Variants in MAPK8IP3 observed in about 807,000 individuals in gnomAD.
MAPK8IP3 encodes the protein C-Jun-amino-terminal kinase-interacting protein 3.
A neutral mutation model predicts 157.8 loss-of-function variants in MAPK8IP3; 49 were observed. The ratio of observed to expected loss-of-function variants is 0.31; its 90% confidence interval spans 0.25 to 0.39. The LOEUF is 0.39. Among genes scored for constraint, MAPK8IP3 ranks in the 10% least tolerant of loss-of-function variants. The pLI is 1.00. For missense variants in MAPK8IP3, 1,478 were observed against 1,889.4 expected, an observed-to-expected ratio of 0.78 and a Z score of 4.04; for synonymous variants, 897 against 777.7, an observed-to-expected ratio of 1.15 and a Z score of -2.55.
chr16:1,764,600 G>A, intron 19 of MAPK8IP3, 141 bp downstream of exon 19: 3 of 1,192,554 alleles, frequency 2.5e-6, no homozygotes, highest in Non-Finnish European at 3.4e-6. Flanking sequence ...CTAGACTGCG[G>A]GAAGCAGTGT....
At position 1,706,331 on chromosome 16, in the gene MAPK8IP3, G is replaced by T. The variant is rs761776550; in HGVS notation, c.-9G>T. 1.9e-6 allele frequency: 3 copies of T among 1,548,378 alleles called. No homozygotes were observed. The East Asian group carries it at 7.3e-5, about 38-fold the overall frequency. On this transcript the variant is annotated 5_prime_UTR_variant, in exon 1 of 32. Coordinates refer to ENST00000610761, the MANE Select transcript of MAPK8IP3 (RefSeq NM_001318852.2). The surrounding 1 kb of genome is among the most constrained non-coding windows in gnomAD (Gnocchi z 5.1). ...ATAGCGAGCCGCGCTGGCGGCGGCG[G>T]TGGCCGCGATGATGGAGATCCAGAT...
At chr16:1,739,911 CGTCCGTGTGAGCTTCCGTGTGACT>C (rs2040533972) in intron 4 of MAPK8IP3, among the ~76,000 whole-genome samples, 2 of 106,698 alleles carry the variant, frequency 1.9e-5, no homozygotes, top group African/African-American at 7.5e-5. Flanking sequence ...TCCCTGTGAC[CGTCCGTGTGAGCTTCCGTGTGACT>C]GTCCGTGTGA....
chr16:1,735,780 AGT>A (rs1331961796), intron 4 of MAPK8IP3, among the ~76,000 whole-genome samples: 2 of 93,816 alleles, frequency 2.1e-5, no homozygotes, highest in African/African-American at 4.2e-5. Context: ...TCCATGTGAG[AGT>A]GTGACCGTCC....
intron 6 of MAPK8IP3, among the ~76,000 whole-genome samples, chr16:1,747,698 G>A (rs888180959): frequency 3.3e-5 from 5 of 152,072 alleles, no homozygotes; most frequent in South Asian, 4.1e-4. Context: ...GTCACCCCAC[G>A]GCACACAGCC....
rs2042024477 is a variant in MAPK8IP3 at position 1,762,741 on chromosome 16, G to A, written c.1727+10G>A. 2 of 1,580,016 alleles carry A rather than the reference G, an allele frequency of 1.3e-6. No individual in the cohort carries two copies. Among genetic ancestry groups the A allele is most frequent in the Non-Finnish European group, 8.6e-7 (1 of 1,160,892 alleles). On this transcript the variant is annotated intron_variant, in intron 15 of 31. Coordinates refer to ENST00000610761, the MANE Select transcript of MAPK8IP3 (RefSeq NM_001318852.2). ...CGACCATCTGGCAGTTGTAAGCTGG[G>A]GGCCCCTGGGGGATGTGGGCAGCAG...
intron 4 of MAPK8IP3, among the ~76,000 whole-genome samples, chr16:1,733,739 A>ACGGCT (rs1434617041): frequency 6.6e-6 from 1 of 152,156 alleles, no homozygotes; most frequent in Non-Finnish European, 1.5e-5. Context: ...CAGCTCTGCC[A>ACGGCT]CGGCTCCTGA....
At position 1,743,994 on chromosome 16, in the gene MAPK8IP3, TG is replaced by T; in HGVS notation, c.747+521del. ...CCTGCCTGTCCCTGGTAACGCCTCC[TG>T]GGTCCTGAGTTTGAGAAAGCAGAGC... On this transcript the variant is annotated intron_variant, in intron 5 of 31. Transcript: ENST00000610761. This position sits in a 1 kb window ranked among gnomAD's most constrained non-coding sequence, Gnocchi z 5.6. The T allele has an allele frequency of 2.0e-6, 2 of 996,680 alleles. No individual in the cohort carries two copies. The highest frequency in any genetic ancestry group is 2.4e-6 in the Non-Finnish European group (2 of 837,480). 61.7% of individuals were successfully genotyped at this position (996,680 alleles called of 1,614,324 possible). A position where few individuals can be genotyped will look rare whatever the true frequency, so the allele number is the denominator to read the frequency against.
chr16:1,756,768 G>A (rs2041625505), intron 8 of MAPK8IP3, among the ~76,000 whole-genome samples: 1 of 152,066 alleles, frequency 6.6e-6, no homozygotes, highest in Non-Finnish European at 1.5e-5. Context: ...GTTGCAGTAA[G>A]CTATGATAGT....
At chr16:1,768,002 G>A (rs2042375802) in intron 28 of MAPK8IP3, 67 bp from the exon 29 acceptor site, 2 of 1,609,638 alleles carry the variant, frequency 1.2e-6, no homozygotes, top group South Asian at 1.1e-5. Flanking sequence ...GGGCCACCTT[G>A]GAGGGTGCCT....
At position 1,743,723 on chromosome 16, in the gene MAPK8IP3, C is replaced by T; in HGVS notation, c.747+247C>T. 3.6e-6 allele frequency: 5 copies of T among 1,381,378 alleles called. No individual in the cohort carries two copies. Among genetic ancestry groups the T allele is most frequent in the Non-Finnish European group, 4.7e-6 (5 of 1,074,868 alleles). The allele number at this position is 1,381,378 out of a possible 1,614,324, so 85.6% of individuals were successfully genotyped here. Reference sequence around the variant, plus strand: ...CGGCACCTGCTAGTCCAGGCTAGACCTCCCTGCCCTTGGATAGACCGCTCT... The same window carrying T: ...CGGCACCTGCTAGTCCAGGCTAGACTTCCCTGCCCTTGGATAGACCGCTCT... On this transcript the variant is annotated intron_variant, in intron 5 of 31. Coordinates refer to ENST00000610761, the MANE Select transcript of MAPK8IP3 (RefSeq NM_001318852.2). The surrounding 1 kb of genome is among the most constrained non-coding windows in gnomAD (Gnocchi z 5.6).
chr16:1,759,908 G>C, intron 10 of MAPK8IP3, 50 bp from the exon 11 acceptor site: 1 of 1,537,954 alleles, frequency 6.5e-7, no homozygotes, highest in Non-Finnish European at 9.0e-7. Flanking sequence ...GGCGGCATCA[G>C]TGACCTGTTT....
Position 1,719,246 on chromosome 16 carries a change from G to T in MAPK8IP3, c.319-5311G>T, listed in dbSNP as rs140941864. Among the ~76,000 whole-genome samples the T allele has an allele frequency of 2.7e-3, 408 of 151,976 alleles. 4 individuals are homozygous for T. The highest frequency in any genetic ancestry group is 9.2e-3 in the African/African-American group (383 of 41,448). On this transcript the variant is annotated intron_variant, in intron 1 of 31. Coordinates refer to ENST00000610761, the MANE Select transcript of MAPK8IP3 (RefSeq NM_001318852.2). ...AGCAACCCAAAGTGCTGGGATTACA[G>T]CTGTGAGCCACTGTGCCCAGCCTGA...
chr16:1,728,874 G>A (rs2039093373), intron 2 of MAPK8IP3, among the ~76,000 whole-genome samples: 1 of 142,258 alleles, frequency 7.0e-6, no homozygotes, highest in Admixed American at 7.1e-5. Flanking sequence ...CCCCCCAGAC[G>A]GCCTTCACAG....
At chr16:1,744,721 G>C (rs548196674) in intron 5 of MAPK8IP3, 6 of 985,348 alleles carry the variant, frequency 6.1e-6, no homozygotes, top group Non-Finnish European at 7.2e-6. Flanking sequence ...TCTCGCGCCC[G>C]CTCTGGGCCC....
chr16:1,731,984 C>G (rs8048913), intron 4 of MAPK8IP3, among the ~76,000 whole-genome samples: 148,718 of 152,240 alleles, frequency 0.98, 72,661 homozygotes, highest in East Asian at 1. Flanking sequence ...CTCAGAGAGT[C>G]GGGGGAGCCT....
intron 4 of MAPK8IP3, among the ~76,000 whole-genome samples, chr16:1,738,400 G>T (rs1381474411): frequency 5.9e-5 from 6 of 101,694 alleles, no homozygotes; most frequent in Non-Finnish European, 1.2e-4. Context: ...GTGTGACCGT[G>T]TGAGCGTCCG....
At chr16:1,746,936 C>A in intron 5 of MAPK8IP3, 93 bp from the exon 6 acceptor site, 3 of 1,448,480 alleles carry the variant, frequency 2.1e-6, no homozygotes, top group Non-Finnish European at 2.8e-6. Flanking sequence ...AAGTGCAAAG[C>A]ATTGGTGCGC....
At chr16:1,740,468 C>T (rs538167468) in intron 4 of MAPK8IP3, among the ~76,000 whole-genome samples, 6 of 151,424 alleles carry the variant, frequency 4.0e-5, no homozygotes, top group Non-Finnish European at 7.4e-5. Context: ...ACATGCTGAC[C>T]GTCCGTGTGA....
In MAPK8IP3 at chr16:1,767,689, G is replaced by C. The variant is rs754196042; in HGVS notation, c.3363G>C (p.Gln1121His). The C allele has an allele frequency of 1.2e-6, 2 of 1,612,822 alleles. No individual in the cohort carries two copies. Among genetic ancestry groups the C allele is most frequent in the South Asian group, 2.2e-5 (2 of 91,086 alleles). The change falls in exon 27 of 32, where the codon CAG (glutamine) becomes CAC (histidine). Residue 1121 changes from glutamine to histidine, a missense_variant. By Grantham distance (24) the Gln-to-His change is conservative. Coordinates refer to ENST00000610761, the MANE Select transcript of MAPK8IP3 (RefSeq NM_001318852.2). ...TLRLYHAHTH[Q>H]HLQDVDIEPY... The stretch of plus-strand genomic sequence containing the variant: ...GGCTCTACCATGCACACACGCACCA[G>C]CATCTACAGGACGTGGACATTGAGC...
Sources: gnomAD v4.1 joint callset for allele counts (sites outside exome capture counted in the v4.1 genomes callset) on GRCh38, gnomAD v4.1.1 for gene constraint, Gnocchi (gnomAD v3.1) non-coding constraint, MANE v1.5 for transcripts, NCBI Gene and HGNC (gene_info 2026-07-23, HGNC 2026-07-21) for gene names.